Variants in MUC6 observed in about 807,000 individuals in gnomAD.
MUC6 encodes mucin-6.
In MUC6, 188 loss-of-function variants were observed where a neutral mutation model predicts 201.5. The observed-to-expected ratio is 0.93, with a 90% CI of 0.83 to 1.05. The LOEUF (loss-of-function observed/expected upper bound fraction) is 1.05, where lower values mean the gene tolerates loss of function less well. MUC6 is among the 50% of genes least tolerant of loss of function. MUC6 has a pLI of 0.00. For synonymous variants in MUC6, 1,228 were observed against 1,389.4 expected, an observed-to-expected ratio of 0.88 and a Z score of 2.58; for missense variants, 2,706 against 3,256.9, an observed-to-expected ratio of 0.83 and a Z score of 4.12.
chr11:1,022,970 G>A (rs181839029), intron 26 of MUC6, among the ~76,000 whole-genome samples: 8 of 152,042 alleles, frequency 5.3e-5, no homozygotes, highest in East Asian at 3.9e-4. Context: ...GCATGAGTGC[G>A]TGAATGTGCA....
At chr11:1,030,066 G>C in intron 8 of MUC6, 147 bp downstream of exon 8, 1 of 1,106,062 alleles carries the variant, frequency 9.0e-7, no homozygotes, top group Non-Finnish European at 1.2e-6. Context: ...GGAAAAGCCT[G>C]TCCCAGGGCA....
At chr11:1,028,194 G>T (rs1351560860) in intron 14 of MUC6, 32 bp downstream of exon 14, 5 of 1,546,304 alleles carry the variant, frequency 3.2e-6, no homozygotes, top group Non-Finnish European at 4.4e-6. Context: ...CGCTGGGGGG[G>T]CAGCCAGGGG....
intron 28 of MUC6, 57 bp downstream of exon 28, chr11:1,020,627 G>A (rs375248007): frequency 2.4e-5 from 39 of 1,607,698 alleles, no homozygotes; most frequent in South Asian, 9.9e-5. Flanking sequence ...CCAGGGAACC[G>A]AGGGGAGCCC....
At chr11:1,030,366 T>TGGCCCCC in intron 7 of MUC6, 31 bp from the exon 8 acceptor site, 3 of 1,489,584 alleles carry the variant, frequency 2.0e-6, no homozygotes, top group African/African-American at 1.4e-5. Context: ...GGTGAGAGGG[T>TGGCCCCC]CCCACCCCCC....
intron 16 of MUC6, 24 bp downstream of exon 16, chr11:1,027,661 G>A (rs1435584562): frequency 2.5e-6 from 4 of 1,585,556 alleles, no homozygotes; most frequent in Non-Finnish European, 3.4e-6. Context: ...CCGTGACCCC[G>A]CTTAAGCCCC....
Position 1,029,528 on chromosome 11 carries a change from G to T in MUC6, c.1103C>A (p.Pro368His). Reference protein sequence around the residue: ...PCVLHGAMYAPGEVTIAACQT... With the variant: ...PCVLHGAMYAHGEVTIAACQT... The stretch of plus-strand genomic sequence containing the variant: ...GCAGGCAGCTATTGTGACCTCCCCG[G>T]GGGCATACATGGCGCCGTGGAGCAC... The change falls in exon 9 of 33, where the codon CCC becomes CAC. Residue 368 changes from proline to histidine, a missense_variant. Pro to His is a moderately conservative substitution (Grantham distance 77). Around this residue, in one of 10 missense-constraint regions of MUC6, gnomAD observed 1,850 missense variants for 1,958.3 expected, o/e 0.94. Coordinates refer to ENST00000421673, the MANE Select transcript of MUC6 (RefSeq NM_005961.3). 1 of 1,612,538 alleles carries T rather than the reference G, an allele frequency of 6.2e-7. No individual in the cohort carries two copies.
intron 26 of MUC6, among the ~76,000 whole-genome samples, chr11:1,023,092 GTGAA>G (rs202003425): frequency 0.023 from 3,544 of 151,458 alleles, 147 homozygotes; most frequent in African/African-American, 0.081. Context: ...GTGTGTGTGG[GTGAA>G]TGAATGGATG....
Position 1,031,824 on chromosome 11 carries a change from G to C in MUC6, c.345C>G (p.Val115=). 6.2e-7 allele frequency: 1 copy of C among 1,607,868 alleles called. No individual in the cohort carries two copies. Residue 115 remains valine (V), a synonymous_variant, in exon 3 of 33, where the codon GTC becomes GTG. Transcript: ENST00000421673. ...VVTVSEAIIS[V]KDIGVISLPY... ...CCCACCTGACCTACCCGATGTCCTT[G>C]ACTGAGATGATGGCTTCGCTCACAG...
In MUC6 at chr11:1,015,881, TGCCTG is replaced by T. The variant is rs752591629; in HGVS notation, c.6915_6919del (p.Arg2306ProfsTer66). The T allele has an allele frequency of 3.7e-5, 59 of 1,607,738 alleles. No individual in the cohort carries two copies. The highest frequency in any genetic ancestry group is 4.9e-5 in the Non-Finnish European group (58 of 1,176,520). On this transcript the variant is annotated frameshift_variant, in exon 31 of 33. Coordinates refer to ENST00000421673, the MANE Select transcript of MUC6 (RefSeq NM_005961.3). LOFTEE classifies it high-confidence loss of function. Reference sequence around the variant, plus strand: ...GGTAGGCGACAAGGTGGGACCAGGGTGCCTGGTGGTAAGGTTGGTGACTGGAGAGG... The same window carrying T: ...GGTAGGCGACAAGGTGGGACCAGGGTGTGGTAAGGTTGGTGACTGGAGAGG...
intron 24 of MUC6, 130 bp downstream of exon 24, chr11:1,024,714 T>C: frequency 4.2e-6 from 6 of 1,415,942 alleles, no homozygotes; most frequent in South Asian, 1.4e-5. Flanking sequence ...TCTGAAACTC[T>C]CTGCACCCTG....
rs777512682 is a variant in MUC6 at position 1,033,109 on chromosome 11, T to C, written c.53-34A>G. The C allele has an allele frequency of 1.9e-6, 3 of 1,607,194 alleles. No homozygotes were observed. Among genetic ancestry groups the C allele is most frequent in the Non-Finnish European group, 2.6e-6 (3 of 1,174,196 alleles). On this transcript the variant is annotated intron_variant, in intron 1 of 32. Coordinates refer to ENST00000421673, the MANE Select transcript of MUC6 (RefSeq NM_005961.3). The surrounding 1 kb of genome is among the most constrained non-coding windows in gnomAD (Gnocchi z 5.6). The stretch of plus-strand genomic sequence containing the variant: ...ACGGGACCCGCAGTCGGTGTGGGGC[T>C]ACCCCGTCGTCCCTGAGGGCGCCGC...
At position 1,023,913 on chromosome 11, in the gene MUC6, G is replaced by A. The variant is rs777845905; in HGVS notation, c.3382+34C>T. The A allele has an allele frequency of 3.1e-6, 5 of 1,604,942 alleles. No homozygotes were observed. In the Admixed American group the frequency reaches 8.5e-5, roughly 27 times the overall value. Reference sequence around the variant, plus strand: ...CCCTTAGTGGCGCTGGGTGGCAGGGGCTGGAGCAACCTGTGGGAGGGGTGG... The same window carrying A: ...CCCTTAGTGGCGCTGGGTGGCAGGGACTGGAGCAACCTGTGGGAGGGGTGG... On this transcript the variant is annotated intron_variant, in intron 25 of 32. Transcript: ENST00000421673.
At chr11:1,025,525 A>G (rs981548309) in intron 22 of MUC6, among the ~76,000 whole-genome samples, 158 bp from the exon 23 acceptor site, 7 of 152,222 alleles carry the variant, frequency 4.6e-5, no homozygotes, top group African/African-American at 9.6e-5. Flanking sequence ...AGGGCCTGGC[A>G]TGCCTGGAAC....
chr11:1,013,657 A>G, intron 32 of MUC6, 24 bp from the exon 33 acceptor site: 1 of 1,550,766 alleles, frequency 6.4e-7, no homozygotes, highest in East Asian at 2.4e-5. Context: ...AAGACAGAGC[A>G]GGGTCATGAC....
intron 26 of MUC6, among the ~76,000 whole-genome samples, chr11:1,022,969 C>T (rs889826948): frequency 1.3e-5 from 2 of 149,668 alleles, no homozygotes; most frequent in African/African-American, 2.5e-5. Context: ...TGCATGAGTG[C>T]GTGAATGTGC....
rs917369303 is a variant in MUC6 at position 1,013,227 on chromosome 11, C to T, written c.*229G>A. 3 of 572,868 alleles carry T rather than the reference C, an allele frequency of 5.2e-6. No individual in the cohort carries two copies. The highest frequency in any genetic ancestry group is 9.2e-6 in the Non-Finnish European group (3 of 325,822). The allele number at this position is 572,868 out of a possible 1,614,324, so 35.5% of individuals were successfully genotyped here. On this transcript the variant is annotated 3_prime_UTR_variant, in exon 33 of 33. Transcript: ENST00000421673. ...TGGGAGGTCCGTGACCACTGTCCGC[C>T]TCAGTCCCTCTCTGCTGGCTCAGGG...
chr11:1,024,882 C>T lies in MUC6; in HGVS notation c.3187G>A (p.Val1063Ile), dbSNP rs201222537. The T allele has an allele frequency of 2.4e-4, 379 of 1,612,532 alleles. No homozygotes were observed. The East Asian group carries it at 7.2e-3, about 31-fold the overall frequency. The change falls in exon 24 of 33, where the codon GTC becomes ATC. Residue 1063 changes from valine (V) to isoleucine (I), a missense_variant. This residue lies in a region of MUC6 where 1,850 missense variants were observed against 1,958.3 expected (regional missense o/e 0.94). Transcript: ENST00000421673. ...RRSWAERKCS[V>I]INSQTFATCH... is the part of the protein sequence containing the mutation. ...GTGGCAAAGGTCTGGCTGTTGATGACGCTGCACTTGCGCTCGGCCCAGGAG... is the reference window on the plus strand; with the variant it reads ...GTGGCAAAGGTCTGGCTGTTGATGATGCTGCACTTGCGCTCGGCCCAGGAG...
chr11:1,015,579 G>A (rs1564830837), intron 31 of MUC6, among the ~76,000 whole-genome samples, 183 bp downstream of exon 31: 6 of 152,164 alleles, frequency 3.9e-5, no homozygotes, highest in Admixed American at 3.3e-4. Flanking sequence ...CCAGGACAGC[G>A]TTGGCATAGA....
At position 1,026,002 on chromosome 11, in the gene MUC6, T is replaced by G; in HGVS notation, c.2686A>C (p.Thr896Pro). The G allele has an allele frequency of 1.3e-6, 2 of 1,587,374 alleles. No homozygotes were observed. The highest frequency in any genetic ancestry group is 1.7e-6 in the Non-Finnish European group (2 of 1,167,344). Reference protein sequence around the residue: ...FDGNCEYILATDVCGVNDSQP... With the variant: ...FDGNCEYILAPDVCGVNDSQP... Reference sequence around the variant, plus strand: ...GCGGCCTGGCACCCGATGGTTACCGTGGCCAGGATGTACTCGCAGTTGCCG... The same window carrying G: ...GCGGCCTGGCACCCGATGGTTACCGGGGCCAGGATGTACTCGCAGTTGCCG... The change falls in exon 21 of 33, where the codon ACG becomes CCG. Residue 896 changes from threonine to proline, a missense_variant and splice_region_variant. This residue lies in a region of MUC6 where 1,850 missense variants were observed against 1,958.3 expected (regional missense o/e 0.94). Transcript: ENST00000421673.
Sources: allele counts gnomAD v4.1 joint callset (sites outside exome capture counted in the v4.1 genomes callset), GRCh38; gene constraint gnomAD v4.1.1; regional missense constraint gnomAD v4.1.1; non-coding constraint Gnocchi (gnomAD v3.1); transcripts MANE v1.5; gene names NCBI Gene and HGNC (gene_info 2026-07-23, HGNC 2026-07-21).